Variants in CNTNAP1 observed in about 807,000 individuals in gnomAD.
CNTNAP1 encodes the protein contactin-associated protein 1.
A neutral mutation model predicts 161.5 loss-of-function variants in CNTNAP1; 80 were observed. The observed-to-expected ratio is 0.50, with a 90% CI of 0.41 to 0.60. The LOEUF (loss-of-function observed/expected upper bound fraction) is 0.60, where lower values mean the gene tolerates loss of function less well. CNTNAP1 is among the 20% of genes least tolerant of loss of function. CNTNAP1 has a pLI of 0.00. For missense variants in CNTNAP1, 1,464 were observed against 1,854.8 expected, an observed-to-expected ratio of 0.79 and a Z score of 3.87; for synonymous variants, 695 against 733.1, an observed-to-expected ratio of 0.95 and a Z score of 0.84.
intron 18 of CNTNAP1, among the ~76,000 whole-genome samples, chr17:42,694,403 C>T (rs187761932): frequency 3.3e-5 from 5 of 151,444 alleles, no homozygotes; most frequent in Middle Eastern, 3.4e-3. Context: ...AACTTCTGAC[C>T]GCAGGTGATC....
intron 12 of CNTNAP1, 21 bp downstream of exon 12, chr17:42,690,228 G>T (rs1387930801): frequency 1.2e-6 from 2 of 1,613,330 alleles, no homozygotes; most frequent in Non-Finnish European, 1.7e-6. Context: ...CTGTTGGGTG[G>T]TGAGGGGGTG....
At chr17:42,683,267 G>A in intron 1 of CNTNAP1, 2 of 807,936 alleles carry the variant, frequency 2.5e-6, no homozygotes, top group Non-Finnish European at 3.2e-6. Flanking sequence ...TGGCCAAGGG[G>A]TGGGGTTTGT....
Position 42,696,099 on chromosome 17 carries a change from G to A in CNTNAP1, c.3421G>A (p.Gly1141Ser). The change falls in exon 20 of 24, where the codon GGC (glycine) becomes AGC (serine). Residue 1141 changes from glycine (G) to serine (S), a missense_variant. Gly to Ser is a moderately conservative substitution (Grantham distance 56, BLOSUM62 0). This residue lies in a region of CNTNAP1 where 1,383 missense variants were observed against 1,765.0 expected (regional missense o/e 0.78). Coordinates refer to ENST00000264638, the MANE Select transcript of CNTNAP1 (RefSeq NM_003632.3). ...GCTAACCACTCGACCAGTGACCGAT[G>A]GCCAGCCCCATAGCATCAATATCAC... ...YQLTTRPVTD[G>S]QPHSINITRV... 1 of 1,614,124 alleles carries A rather than the reference G, an allele frequency of 6.2e-7. No individual in the cohort carries two copies. Among genetic ancestry groups the A allele is most frequent in the Non-Finnish European group, 8.5e-7 (1 of 1,180,022 alleles).
In CNTNAP1 at chr17:42,692,641, G is replaced by T. The variant is rs905990184; in HGVS notation, c.2673G>T (p.Val891=). The T allele has an allele frequency of 1.2e-6, 2 of 1,614,204 alleles. No individual in the cohort carries two copies. The change falls in exon 17 of 24, where the codon GTG becomes GTT. Residue 891 remains valine (V), a synonymous_variant. Transcript: ENST00000264638. ...ACGTGAAGCAGGCCCGGCTCCGAGT[G>T]GATCACCGGCCCTGGGTTCTGCGGC... The part of the protein sequence containing the change: ...EINVKQARLR[V]DHRPWVLRPM...
chr17:42,692,140 C>T (rs948478871), intron 16 of CNTNAP1, 149 bp downstream of exon 16: 67 of 851,104 alleles, frequency 7.9e-5, no homozygotes, highest in Non-Finnish European at 4.2e-5. Context: ...AGCCCTCACT[C>T]GGTCTTGACG....
intron 17 of CNTNAP1, 68 bp from the exon 18 acceptor site, chr17:42,693,229 G>A: frequency 6.3e-7 from 1 of 1,590,938 alleles, no homozygotes; most frequent in Non-Finnish European, 8.6e-7. Context: ...AAAGTGCTGG[G>A]ATTACAGGCG....
At chr17:42,686,168 G>A (rs745866278) in intron 6 of CNTNAP1, 27 bp downstream of exon 6, 21 of 1,611,408 alleles carry the variant, frequency 1.3e-5, no homozygotes, top group Admixed American at 5.0e-5. Context: ...GTGCTATTTC[G>A]TGGTAGGGTA....
chr17:42,687,224 C>T lies in CNTNAP1; in HGVS notation c.1044+178C>T. 1.3e-6 allele frequency: 1 copy of T among 751,342 alleles called. No individual in the cohort carries two copies. The highest frequency in any genetic ancestry group is 2.7e-5 in the East Asian group (1 of 36,534). The allele number at this position is 751,342 out of a possible 1,614,324, so 46.5% of individuals were successfully genotyped here. A position where few individuals can be genotyped will look rare whatever the true frequency, so the allele number is the denominator to read the frequency against. ...CTGAGGTGCATGAGCCACGCAGGCC[C>T]CTAGTTAAGAAGCAGTGGTCGGGTC... On this transcript the variant is annotated intron_variant, in intron 7 of 23. Coordinates refer to ENST00000264638, the MANE Select transcript of CNTNAP1 (RefSeq NM_003632.3). This position sits in a 1 kb window ranked among gnomAD's most constrained non-coding sequence, Gnocchi z 4.7.
Position 42,690,105 on chromosome 17 carries a change from TG to T in CNTNAP1, c.1754del (p.Cys585LeufsTer24). On this transcript the variant is annotated frameshift_variant, in exon 12 of 24. Coordinates refer to ENST00000264638, the MANE Select transcript of CNTNAP1 (RefSeq NM_003632.3). LOFTEE classifies it high-confidence loss of function. Reference protein sequence around the residue: ...TCHTPLYKESCEAYRLSGKTS... With the variant: ...TCHTPLYKESXEAYRLSGKTS... ...TCTGCCAGCTTTGTATAAGGAATCC[TG>T]TGAGGCTTATCGGCTCAGTGGGAAA... 1 of 1,613,778 alleles carries T rather than the reference TG, an allele frequency of 6.2e-7. No homozygotes were observed. Among genetic ancestry groups the T allele is most frequent in the East Asian group, 2.2e-5 (1 of 44,870 alleles).
In CNTNAP1 at chr17:42,696,191, C is replaced by A. The variant is rs761004998; in HGVS notation, c.3474+39C>A. Reference sequence around the variant, plus strand: ...GAGGTGAGCCAGTTCAGATCATAACCTCATGGTCTCCGTTGTGGCATCCAG... The same window carrying A: ...GAGGTGAGCCAGTTCAGATCATAACATCATGGTCTCCGTTGTGGCATCCAG... On this transcript the variant is annotated intron_variant, in intron 20 of 23. Transcript: ENST00000264638. The A allele has an allele frequency of 2.5e-6, 4 of 1,610,072 alleles. No homozygotes were observed. In the Admixed American group the frequency reaches 6.7e-5, roughly 27 times the overall value.
Position 42,685,828 on chromosome 17 carries a change from C to T in CNTNAP1, c.716-129C>T. On this transcript the variant is annotated intron_variant, in intron 5 of 23. Coordinates refer to ENST00000264638, the MANE Select transcript of CNTNAP1 (RefSeq NM_003632.3). This position sits in a 1 kb window ranked among gnomAD's most constrained non-coding sequence, Gnocchi z 5.0. ...TACCCTGTCACACACTCGCCAATGG[C>T]TGTTGATCTATTCGCCCACTCTCCC... 1.1e-6 allele frequency: 1 copy of T among 934,394 alleles called. No homozygotes were observed. The highest frequency in any genetic ancestry group is 1.6e-6 in the Non-Finnish European group (1 of 624,768). 57.9% of individuals were successfully genotyped at this position (934,394 alleles called of 1,614,324 possible). A position where few individuals can be genotyped will look rare whatever the true frequency, so the allele number is the denominator to read the frequency against.
rs1434604296 is a variant in CNTNAP1 at position 42,695,903 on chromosome 17, C to T, written c.3346+29C>T. The T allele has an allele frequency of 1.9e-6, 3 of 1,601,522 alleles. No individual in the cohort carries two copies. The African/African-American group carries it at 4.0e-5, about 21-fold the overall frequency. ...AGCTCTCCCGGGCTCTCTCACCCCA[C>T]TCCAGCTTCACCCCGGTGCCCCTAA... On this transcript the variant is annotated intron_variant, in intron 19 of 23. Transcript: ENST00000264638.
Position 42,692,803 on chromosome 17 carries a change from C to G in CNTNAP1, c.2752+83C>G, listed in dbSNP as rs546975089. On this transcript the variant is annotated intron_variant, in intron 17 of 23. Transcript: ENST00000264638. The stretch of plus-strand genomic sequence containing the variant: ...CCACTCGCCTTGTTTCCAGGAGCCT[C>G]CTGTCTTAGGTGCCAGTCCCCTCTG... 8.3e-6 allele frequency: 11 copies of G among 1,319,106 alleles called. No individual in the cohort carries two copies. In the African/African-American group the frequency reaches 1.5e-4, roughly 18 times the overall value. The allele number at this position is 1,319,106 out of a possible 1,614,324, so 81.7% of individuals were successfully genotyped here.
chr17:42,698,413 G>A (rs2053177667), intron 23 of CNTNAP1, among the ~76,000 whole-genome samples: 1 of 151,910 alleles, frequency 6.6e-6, no homozygotes, highest in Non-Finnish European at 1.5e-5. Flanking sequence ...AGCTAACTGA[G>A]GGTCATACAT....
In CNTNAP1 at chr17:42,685,199, C is replaced by T; in HGVS notation, c.512-18C>T. 6.2e-7 allele frequency: 1 copy of T among 1,613,304 alleles called. No homozygotes were observed. The highest frequency in any genetic ancestry group is 8.5e-7 in the Non-Finnish European group (1 of 1,179,888). On this transcript the variant is annotated intron_variant, in intron 4 of 23. Coordinates refer to ENST00000264638, the MANE Select transcript of CNTNAP1 (RefSeq NM_003632.3). This position sits in a 1 kb window ranked among gnomAD's most constrained non-coding sequence, Gnocchi z 5.0. ...ACAGCCTCCCCAGTTCCCGGCCCAC[C>T]TACGGTCCTTTGCGCAGAGGCCGAC... is the stretch of plus-strand genomic sequence containing the variant.
rs765569295 is a variant in CNTNAP1 at position 42,689,035 on chromosome 17, G to A, written c.1616G>A (p.Gly539Asp). Residue 539 changes from glycine (G) to aspartate (D), a missense_variant, in exon 10 of 24, where the codon GGC becomes GAC. Around this residue, in one of 3 missense-constraint regions of CNTNAP1, gnomAD observed 1,383 missense variants for 1,765.0 expected, o/e 0.78. Coordinates refer to ENST00000264638, the MANE Select transcript of CNTNAP1 (RefSeq NM_003632.3). Reference protein sequence around the residue: ...FYAEVLFDTCGITDRCSPNMC... With the variant: ...FYAEVLFDTCDITDRCSPNMC... ...GCTGAGGTCCTCTTTGATACATGTGGCATCACTGATAGGTACCCAGAAGCC... is the reference window on the plus strand; with the variant it reads ...GCTGAGGTCCTCTTTGATACATGTGACATCACTGATAGGTACCCAGAAGCC... 2 of 1,585,262 alleles carry A rather than the reference G, an allele frequency of 1.3e-6. No homozygotes were observed. The highest frequency in any genetic ancestry group is 1.7e-6 in the Non-Finnish European group (2 of 1,164,074).
At chr17:42,694,452 G>A (rs377328258) in intron 18 of CNTNAP1, among the ~76,000 whole-genome samples, 2 of 152,088 alleles carry the variant, frequency 1.3e-5, no homozygotes, top group South Asian at 2.1e-4. Flanking sequence ...GATTACAGAC[G>A]TGAGCCACAG....
In CNTNAP1 at chr17:42,695,455, A is replaced by G. The variant is rs531789617; in HGVS notation, c.2993-66A>G. 3 of 1,258,714 alleles carry G rather than the reference A, an allele frequency of 2.4e-6. No homozygotes were observed. In the South Asian group the frequency reaches 4.1e-5, roughly 17 times the overall value. The allele number at this position is 1,258,714 out of a possible 1,614,324, so 78.0% of individuals were successfully genotyped here. A position where few individuals can be genotyped will look rare whatever the true frequency, so the allele number is the denominator to read the frequency against. ...AAGTCTCAGGATGTGTGTATGGATG[A>G]CATAAAACCTCTGAATTGGGGAGTG... On this transcript the variant is annotated intron_variant, in intron 18 of 23. Transcript: ENST00000264638.
In CNTNAP1 at chr17:42,689,034, G is replaced by A. The variant is rs755399682; in HGVS notation, c.1615G>A (p.Gly539Ser). The stretch of plus-strand genomic sequence containing the variant: ...TGCTGAGGTCCTCTTTGATACATGT[G>A]GCATCACTGATAGGTACCCAGAAGC... Reference protein sequence around the residue: ...FYAEVLFDTCGITDRCSPNMC... With the variant: ...FYAEVLFDTCSITDRCSPNMC... The change falls in exon 10 of 24, where the codon GGC becomes AGC. Residue 539 changes from glycine to serine, a missense_variant. By Grantham distance (56) the Gly-to-Ser change is moderately conservative (BLOSUM62 0). Coordinates refer to ENST00000264638, the MANE Select transcript of CNTNAP1 (RefSeq NM_003632.3). 1 of 1,585,866 alleles carries A rather than the reference G, an allele frequency of 6.3e-7. No individual in the cohort carries two copies. Among genetic ancestry groups the A allele is most frequent in the East Asian group, 2.2e-5 (1 of 44,450 alleles).
Sources: allele counts gnomAD v4.1 joint callset (sites outside exome capture counted in the v4.1 genomes callset), GRCh38; gene constraint gnomAD v4.1.1; regional missense constraint gnomAD v4.1.1; non-coding constraint Gnocchi (gnomAD v3.1); transcripts MANE v1.5; gene names NCBI Gene and HGNC (gene_info 2026-07-23, HGNC 2026-07-21).